CIBAR2: variants seen among roughly 807,000 people sequenced by gnomAD.
CIBAR2 encodes CBY1-interacting BAR domain-containing protein 2.
CIBAR2 carries 38 observed loss-of-function variants against 36.2 expected under a neutral mutation model. The ratio of observed to expected loss-of-function variants is 1.05; its 90% CI spans 0.81 to 1.38. The LOEUF (loss-of-function observed/expected upper bound fraction) is 1.38. Ranked by LOEUF, CIBAR2 falls within the 40% of genes most tolerant of loss-of-function variation. The pLI is 0.00. For synonymous variants in CIBAR2, 182 were observed against 149.5 expected, an observed-to-expected ratio of 1.22 and a Z score of -1.58; for missense variants, 481 against 383.4, an observed-to-expected ratio of 1.25 and a Z score of -2.13.
At chr16:85,103,975 A>G (rs1036419327) in intron 6 of CIBAR2, among the ~76,000 whole-genome samples, 1 of 152,234 alleles carries the variant, frequency 6.6e-6, no homozygotes, top group Non-Finnish European at 1.5e-5. Flanking sequence ...GGGACCTTGT[A>G]TGTTGGGCAT....
chr16:85,105,215 C>T (rs1047354117), intron 6 of CIBAR2, 112 bp downstream of exon 6: 8 of 666,354 alleles, frequency 1.2e-5, no homozygotes, highest in African/African-American at 8.8e-5. Flanking sequence ...CACGTGTACA[C>T]AGACCCATAC....
chr16:85,110,731 G>C (rs1216237731), intron 1 of CIBAR2, among the ~76,000 whole-genome samples: 2 of 130,390 alleles, frequency 1.5e-5, no homozygotes, highest in South Asian at 5.1e-4. Context: ...TGGAGACAGA[G>C]TCTTGCTCTG....
intron 2 of CIBAR2, among the ~76,000 whole-genome samples, chr16:85,109,430 G>A (rs1334709266): frequency 2.6e-5 from 4 of 152,140 alleles, no homozygotes; most frequent in Non-Finnish European, 5.9e-5. Context: ...AGAAGAGAGT[G>A]CCGTTTCTGT....
In CIBAR2 at chr16:85,099,308, G is replaced by T. The variant is rs2073935659; in HGVS notation, c.792C>A (p.Asp264Glu). 6.2e-7 allele frequency: 1 copy of T among 1,609,790 alleles called. No homozygotes were observed. The highest frequency in any genetic ancestry group is 8.5e-7 in the Non-Finnish European group (1 of 1,176,102). ...LQVQLSRANE[D>E]PEHPHANHGR... is the part of the protein sequence containing the mutation. The stretch of plus-strand genomic sequence containing the variant: ...CATGATTGGCATGAGGATGTTCAGG[G>T]TCTTCATTTGCCCTACTCAGCTGGA... Residue 264 changes from aspartate to glutamate, a missense_variant, in exon 9 of 9, where the codon GAC becomes GAA. Physicochemically the swap from Asp to Glu is conservative, Grantham distance 45. Coordinates refer to ENST00000539556, the MANE Select transcript of CIBAR2 (RefSeq NM_198491.3).
intron 6 of CIBAR2, among the ~76,000 whole-genome samples, chr16:85,104,240 C>T (rs575363420): frequency 6.6e-6 from 1 of 152,184 alleles, no homozygotes; most frequent in Admixed American, 6.5e-5. Flanking sequence ...CTGCAAAGGC[C>T]TCGGGTAGGA....
At chr16:85,101,242 C>G (rs1325086647) in intron 7 of CIBAR2, among the ~76,000 whole-genome samples, 1 of 152,184 alleles carries the variant, frequency 6.6e-6, no homozygotes, top group Admixed American at 6.5e-5. Context: ...TGGCTTAGCA[C>G]TCTGATGCTG....
intron 2 of CIBAR2, among the ~76,000 whole-genome samples, chr16:85,108,789 G>A (rs929986022): frequency 2.6e-5 from 4 of 152,176 alleles, no homozygotes; most frequent in Non-Finnish European, 5.9e-5. Flanking sequence ...CAGGAGAATC[G>A]CTTGAACCTG....
chr16:85,102,099 T>C (rs558856693), intron 7 of CIBAR2, 115 bp downstream of exon 7: 2 of 656,116 alleles, frequency 3.0e-6, no homozygotes, highest in African/African-American at 1.8e-5. Flanking sequence ...GCATGAGTCT[T>C]CAAAGTTAGA....
At chr16:85,107,626 C>T (rs748034210) in intron 5 of CIBAR2, 41 bp downstream of exon 5, 10 of 1,608,800 alleles carry the variant, frequency 6.2e-6, no homozygotes, top group African/African-American at 2.7e-5. Flanking sequence ...GTATTTCCTA[C>T]GTGTGATTCT....
chr16:85,099,918 T>C (rs2073941842), intron 8 of CIBAR2, among the ~76,000 whole-genome samples: 1 of 150,360 alleles, frequency 6.7e-6, no homozygotes, highest in African/African-American at 2.4e-5. Flanking sequence ...GCTGGGATTA[T>C]AGGCATGAGC....
intron 5 of CIBAR2, among the ~76,000 whole-genome samples, chr16:85,106,716 ACCT>A (rs1444353213): frequency 6.6e-6 from 1 of 152,122 alleles, no homozygotes; most frequent in Non-Finnish European, 1.5e-5. Flanking sequence ...TGAACCTCTA[ACCT>A]CCTGAACGGT....
intron 7 of CIBAR2, among the ~76,000 whole-genome samples, chr16:85,101,914 T>A (rs2073958581): frequency 6.6e-6 from 1 of 152,102 alleles, no homozygotes; most frequent in Non-Finnish European, 1.5e-5. Context: ...GTGATCCGCC[T>A]ACCTCGGCCT....
intron 6 of CIBAR2, among the ~76,000 whole-genome samples, chr16:85,102,846 C>T (rs2073966133): frequency 6.6e-6 from 1 of 151,694 alleles, no homozygotes; most frequent in South Asian, 2.1e-4. Context: ...CTTTTTCACT[C>T]TGGTCTGAGC....
rs566003831 is a variant in CIBAR2, at chr16:85,110,259, G to C, written c.222C>G (p.Asp74Glu). Residue 74 changes from aspartate (D) to glutamate (E), a missense_variant, in exon 2 of 9, where the codon GAC (aspartate) becomes GAG (glutamate). Transcript: ENST00000539556. ...LRATMRGFAE[D>E]LAKVQDYRQA... is the part of the protein sequence containing the mutation. ...GCCGGTAATCCTGCACTTTGGCCAGGTCCTCAGCGAAGCCCCTCATGGTGG... is the reference window on the plus strand; with the variant it reads ...GCCGGTAATCCTGCACTTTGGCCAGCTCCTCAGCGAAGCCCCTCATGGTGG... 11 of 1,594,194 alleles carry C rather than the reference G, an allele frequency of 6.9e-6. No homozygotes were observed. Among genetic ancestry groups the C allele is most frequent in the Non-Finnish European group, 9.4e-6 (11 of 1,167,754 alleles).
chr16:85,100,340 C>A (rs2073946063), intron 7 of CIBAR2, 100 bp from the exon 8 acceptor site: 2 of 687,826 alleles, frequency 2.9e-6, no homozygotes, highest in South Asian at 3.6e-5. Flanking sequence ...AGGCCCGAGA[C>A]AGCTAATGCT....
chr16:85,110,481 G>T, intron 1 of CIBAR2, 21 bp from the exon 2 acceptor site: 2 of 1,553,272 alleles, frequency 1.3e-6, no homozygotes. Context: ...GGGGACCTGA[G>T]CAGCCATTCT....
At chr16:85,111,001 G>A (rs555654524) in intron 1 of CIBAR2, among the ~76,000 whole-genome samples, 148 of 152,162 alleles carry the variant, frequency 9.7e-4, no homozygotes, top group African/African-American at 2.7e-3. Context: ...CACCACGTTC[G>A]GCCCCAACTC....
chr16:85,107,159 G>C (rs889184135), intron 5 of CIBAR2, among the ~76,000 whole-genome samples: 33 of 152,040 alleles, frequency 2.2e-4, no homozygotes, highest in African/African-American at 7.0e-4. Context: ...AAAAAAAAGG[G>C]GGGGGGCACT....
intron 1 of CIBAR2, among the ~76,000 whole-genome samples, chr16:85,111,706 C>T (rs543307010): frequency 3.9e-5 from 6 of 152,214 alleles, no homozygotes; most frequent in Admixed American, 2.0e-4. Context: ...ATTAACCGGG[C>T]GTAATAGCAC....
Sources: gnomAD v4.1 joint callset for allele counts (sites outside exome capture counted in the v4.1 genomes callset) on GRCh38, gnomAD v4.1.1 for gene constraint, MANE v1.5 for transcripts, NCBI Gene and HGNC (gene_info 2026-07-23, HGNC 2026-07-21) for gene names.